TASP1: variants seen among roughly 807,000 people sequenced by gnomAD.
TASP1 encodes the protein threonine aspartase 1.
A neutral mutation model predicts 56.6 loss-of-function variants in TASP1; 16 were observed. The observed-to-expected ratio is 0.28, with a 90% CI of 0.19 to 0.43. TASP1 has a LOEUF of 0.43. Ranked by LOEUF, TASP1 falls within the 20% of genes least tolerant of loss-of-function variation. The pLI is 1.00. For synonymous variants in TASP1, 179 were observed against 184.2 expected, an observed-to-expected ratio of 0.97 and a Z score of 0.23; for missense variants, 393 against 511.6, an observed-to-expected ratio of 0.77 and a Z score of 2.24.
chr20:13,602,405 C>A (rs1346368966), intron 4 of TASP1, among the ~76,000 whole-genome samples: 1 of 152,104 alleles, frequency 6.6e-6, no homozygotes, highest in African/African-American at 2.4e-5. Flanking sequence ...TAGGCAAAAA[C>A]TAAGAAAATC....
In TASP1 at chr20:13,433,715, C is replaced by T. The variant is rs796128215; in HGVS notation, c.1096+1329G>A. ...TTCTATTTTATAAACTATGAAGGGA[C>T]GTGTACTATAGCAATCGACAACAAT... On this transcript the variant is annotated intron_variant, in intron 12 of 13. Transcript: ENST00000337743. Among the ~76,000 whole-genome samples the T allele has an allele frequency of 6.6e-5, 10 of 151,574 alleles. No individual in the cohort carries two copies. In the South Asian group the frequency reaches 1.5e-3, roughly 22 times the overall value.
At chr20:13,334,468 A>G in the TASP1 span, among the ~76,000 whole-genome samples, 1 of 152,184 alleles carries the variant, frequency 6.6e-6, no homozygotes, top group Non-Finnish European at 1.5e-5. Flanking sequence ...TCTGCCAACT[A>G]TCTCTTCTTA....
At chr20:13,428,237 T>C (rs1182367391) in intron 12 of TASP1, among the ~76,000 whole-genome samples, 1 of 152,180 alleles carries the variant, frequency 6.6e-6, no homozygotes, top group African/African-American at 2.4e-5. Context: ...CAACAACACA[T>C]GTTTTGGTAC....
intron 10 of TASP1, among the ~76,000 whole-genome samples, chr20:13,494,117 CTGTT>C: frequency 6.6e-6 from 1 of 152,194 alleles, no homozygotes; most frequent in Non-Finnish European, 1.5e-5. Context: ...AGAAGCAACA[CTGTT>C]TGTAATGTTC....
intron 11 of TASP1, among the ~76,000 whole-genome samples, chr20:13,460,445 C>T (rs1345021672): frequency 1.3e-5 from 2 of 152,158 alleles, no homozygotes; most frequent in African/African-American, 4.8e-5. Flanking sequence ...TCATGTATCA[C>T]TTTAAAATAT....
chr20:13,473,833 G>T (rs1363023584), intron 11 of TASP1, among the ~76,000 whole-genome samples: 1 of 152,178 alleles, frequency 6.6e-6, no homozygotes, highest in Non-Finnish European at 1.5e-5. Context: ...AGCATTTTGG[G>T]AGGTAAAAGC....
At chr20:13,258,189 AC>A in the TASP1 span, among the ~76,000 whole-genome samples, 2 of 152,172 alleles carry the variant, frequency 1.3e-5, no homozygotes, top group African/African-American at 4.8e-5. Context: ...TTTCTTGGGC[AC>A]ATGATCTGCA....
intron 8 of TASP1, among the ~76,000 whole-genome samples, chr20:13,544,511 T>C (rs1337642191): frequency 1.3e-5 from 2 of 150,864 alleles, no homozygotes; most frequent in African/African-American, 2.4e-5. Flanking sequence ...ATGTGTATCA[T>C]AGTATTAATA....
the TASP1 span, among the ~76,000 whole-genome samples, chr20:13,339,404 C>T: frequency 6.6e-6 from 1 of 152,196 alleles, no homozygotes; most frequent in African/African-American, 2.4e-5. Flanking sequence ...CAGATAGCAA[C>T]ATCTCCTGGG....
the TASP1 span, among the ~76,000 whole-genome samples, chr20:13,362,021 T>A: frequency 1.3e-5 from 2 of 149,032 alleles, no homozygotes; most frequent in Non-Finnish European, 1.5e-5. Flanking sequence ...CCACAAATGT[T>A]TCTTCTAACA....
At chr20:13,586,318 G>C (rs1203614340) in intron 5 of TASP1, among the ~76,000 whole-genome samples, 1 of 152,028 alleles carries the variant, frequency 6.6e-6, no homozygotes, top group East Asian at 1.9e-4. Context: ...AGAAGTTATG[G>C]TATATCCATT....
At chr20:13,450,817 C>A (rs2043590412) in intron 11 of TASP1, among the ~76,000 whole-genome samples, 1 of 152,078 alleles carries the variant, frequency 6.6e-6, no homozygotes, top group Non-Finnish European at 1.5e-5. Context: ...CCAATGGCAT[C>A]TAGAAGGTTT....
the TASP1 span, among the ~76,000 whole-genome samples, chr20:13,298,380 T>G: frequency 6.6e-6 from 1 of 152,196 alleles, no homozygotes; most frequent in Non-Finnish European, 1.5e-5. Flanking sequence ...CCTCCCAAAG[T>G]GCTGGGATTA....
At chr20:13,338,701 C>T in the TASP1 span, among the ~76,000 whole-genome samples, 66 of 150,896 alleles carry the variant, frequency 4.4e-4, no homozygotes, top group African/African-American at 1.5e-3. Context: ...GTGACATTCA[C>T]GTCTTGGACT....
At chr20:13,391,755 C>T (rs1353947332) in intron 13 of TASP1, among the ~76,000 whole-genome samples, 3 of 151,952 alleles carry the variant, frequency 2.0e-5, no homozygotes, top group East Asian at 1.9e-4. Context: ...ATCACGAGGT[C>T]AGGAGATAGA....
intron 11 of TASP1, among the ~76,000 whole-genome samples, chr20:13,474,254 C>A (rs2044634787): frequency 6.6e-6 from 1 of 152,050 alleles, no homozygotes; most frequent in Non-Finnish European, 1.5e-5. Context: ...ATATACTGTG[C>A]CCAATATGTA....
chr20:13,565,109 C>T (rs766414976), intron 7 of TASP1, among the ~76,000 whole-genome samples: 36 of 151,754 alleles, frequency 2.4e-4, no homozygotes, highest in Middle Eastern at 3.4e-3. Context: ...ATATGGTCAA[C>T]GATTTGACGA....
chr20:13,333,721 C>A, the TASP1 span, among the ~76,000 whole-genome samples: 13 of 152,194 alleles, frequency 8.5e-5, no homozygotes, highest in African/African-American at 2.9e-4. Flanking sequence ...TGTAACATGC[C>A]CTTTACACAA....
At chr20:13,490,248 TAA>T (rs35198490) in intron 10 of TASP1, among the ~76,000 whole-genome samples, 14 of 150,240 alleles carry the variant, frequency 9.3e-5, no homozygotes, top group African/African-American at 2.0e-4. Flanking sequence ...TTCATTTGAA[TAA>T]AAAAAAAATA....
Sources: gnomAD v4.1 joint callset for allele counts (sites outside exome capture counted in the v4.1 genomes callset) on GRCh38, gnomAD v4.1.1 for gene constraint, MANE v1.5 for transcripts, NCBI Gene and HGNC (gene_info 2026-07-23, HGNC 2026-07-21) for gene names.